GRID2: variants seen among roughly 807,000 people sequenced by gnomAD.
The protein encoded by GRID2 is glutamate receptor ionotropic, delta-2.
In GRID2, 33 loss-of-function variants were observed where a neutral mutation model predicts 114.8. The ratio of observed to expected loss-of-function variants is 0.29; its 90% CI spans 0.22 to 0.38. GRID2 has a LOEUF of 0.38. Among genes scored for constraint, GRID2 ranks in the 10% least tolerant of loss-of-function variants. GRID2 has a pLI of 1.00. For synonymous variants in GRID2, 505 were observed against 449.9 expected, an observed-to-expected ratio of 1.12 and a Z score of -1.55; for missense variants, 1,184 against 1,257.7, an observed-to-expected ratio of 0.94 and a Z score of 0.89.
chr4:93,270,521 A>G (rs925521319), intron 8 of GRID2, among the ~76,000 whole-genome samples: 8 of 152,294 alleles, frequency 5.3e-5, no homozygotes, highest in African/African-American at 1.9e-4. Context: ...TTACTGTTAC[A>G]GCACATCATC....
At chr4:93,371,510 G>A (rs566000447) in intron 8 of GRID2, among the ~76,000 whole-genome samples, 23 of 151,882 alleles carry the variant, frequency 1.5e-4, no homozygotes, top group African/African-American at 5.3e-4. Flanking sequence ...AATGGATGAA[G>A]GGAAGGCTCT....
intron 1 of GRID2, among the ~76,000 whole-genome samples, chr4:92,505,806 G>A (rs1390121599): frequency 1.3e-5 from 2 of 151,946 alleles, no homozygotes; most frequent in Non-Finnish European, 2.9e-5. Context: ...ATCCTCAGCA[G>A]AGCTTTATAT....
intron 7 of GRID2, among the ~76,000 whole-genome samples, chr4:93,235,985 T>C (rs1746743933): frequency 6.6e-6 from 1 of 152,064 alleles, no homozygotes; most frequent in Admixed American, 6.6e-5. Flanking sequence ...ATAAATAAGC[T>C]ACTAAAACAT....
chr4:93,160,847 T>A (rs1461660486), intron 4 of GRID2, among the ~76,000 whole-genome samples: 1 of 151,888 alleles, frequency 6.6e-6, no homozygotes, highest in Non-Finnish European at 1.5e-5. Flanking sequence ...GGCACCAAGC[T>A]GATCTACTGA....
intron 14 of GRID2, among the ~76,000 whole-genome samples, chr4:93,706,749 T>C (rs1728035306): frequency 6.6e-6 from 1 of 152,214 alleles, no homozygotes; most frequent in South Asian, 2.1e-4. Context: ...TCCAGTACTC[T>C]GTTGAGTAAC....
intron 2 of GRID2, among the ~76,000 whole-genome samples, chr4:92,688,780 A>G (rs759592227): frequency 4.6e-5 from 7 of 152,140 alleles, no homozygotes; most frequent in Non-Finnish European, 7.4e-5. Context: ...ACCTCTTCCC[A>G]TGAACTGTTA....
At chr4:92,446,095 G>A (rs559646007) in intron 1 of GRID2, among the ~76,000 whole-genome samples, 112 of 152,130 alleles carry the variant, frequency 7.4e-4, no homozygotes, top group African/African-American at 2.5e-3. Flanking sequence ...ACAGGGTTAC[G>A]TCACCATGCC....
At chr4:92,633,745 A>C (rs1398817457) in intron 2 of GRID2, among the ~76,000 whole-genome samples, 1 of 152,150 alleles carries the variant, frequency 6.6e-6, no homozygotes, top group Non-Finnish European at 1.5e-5. Context: ...TTAAGGGCAT[A>C]ATGGCCATAT....
chr4:92,769,497 G>A (rs998117944), intron 2 of GRID2, among the ~76,000 whole-genome samples: 1 of 152,152 alleles, frequency 6.6e-6, no homozygotes, highest in Non-Finnish European at 1.5e-5. Flanking sequence ...CTGTATGGGG[G>A]CTCCAACCTC....
intron 13 of GRID2, among the ~76,000 whole-genome samples, chr4:93,565,070 A>T (rs1735277405): frequency 6.6e-6 from 1 of 152,110 alleles, no homozygotes; most frequent in Non-Finnish European, 1.5e-5. Flanking sequence ...TTGAACTGTC[A>T]AATTAGCTTA....
chr4:93,542,248 G>T (rs1732722343), intron 13 of GRID2, among the ~76,000 whole-genome samples: 1 of 152,134 alleles, frequency 6.6e-6, no homozygotes, highest in Non-Finnish European at 1.5e-5. Context: ...ATAATGCGTA[G>T]TGGCACTGAA....
chr4:93,329,256 G>C lies in GRID2; in HGVS notation c.1246-66351G>C, dbSNP rs529834673. ...CATTACACATATCAAGAAAACTGGA[G>C]GCATTGACATTATGACTATTAGAAG... is the stretch of plus-strand genomic sequence containing the variant. On this transcript the variant is annotated intron_variant, in intron 8 of 15. Coordinates refer to ENST00000282020, the MANE Select transcript of GRID2 (RefSeq NM_001510.4). Among the ~76,000 whole-genome samples, 7 of 152,086 alleles carry C rather than the reference G, an allele frequency of 4.6e-5. No individual in the cohort carries two copies. In the South Asian group the frequency reaches 1.5e-3, roughly 32 times the overall value.
rs1483366398 is a variant in GRID2 at position 92,566,831 on chromosome 4, G to A, written c.89-23300G>A. Among the ~76,000 whole-genome samples, 3 of 152,072 alleles carry A rather than the reference G, an allele frequency of 2.0e-5. No homozygotes were observed. In the East Asian group the frequency reaches 5.8e-4, roughly 29 times the overall value. ...GTTTCACTCAAAGTATGACTAGTAT[G>A]TGAAATGCTGGTACTCAGTTGTGGA... On this transcript the variant is annotated intron_variant, in intron 1 of 15. Transcript: ENST00000282020.
At chr4:93,766,481 G>A (rs1311083556) in intron 14 of GRID2, among the ~76,000 whole-genome samples, 1 of 152,166 alleles carries the variant, frequency 6.6e-6, no homozygotes, top group Non-Finnish European at 1.5e-5. Flanking sequence ...TCCTGCACTT[G>A]ACACGTGGAG....
intron 14 of GRID2, among the ~76,000 whole-genome samples, chr4:93,766,942 G>A (rs988605120): frequency 2.6e-5 from 4 of 152,196 alleles, no homozygotes; most frequent in South Asian, 4.2e-4. Context: ...TACACCTATC[G>A]ACGAGCAATA....
chr4:92,790,094 G>A (rs1739506570), intron 2 of GRID2, among the ~76,000 whole-genome samples: 1 of 151,734 alleles, frequency 6.6e-6, no homozygotes, highest in African/African-American at 2.4e-5. Context: ...CTTGCTTAAT[G>A]TATGTATATA....
At chr4:93,135,220 G>A (rs1735139252) in intron 4 of GRID2, among the ~76,000 whole-genome samples, 1 of 152,110 alleles carries the variant, frequency 6.6e-6, no homozygotes, top group Non-Finnish European at 1.5e-5. Flanking sequence ...TAATATTCCT[G>A]AACAATAGGA....
chr4:93,480,053 T>C (rs1725696992), intron 11 of GRID2, among the ~76,000 whole-genome samples: 2 of 152,026 alleles, frequency 1.3e-5, no homozygotes, highest in African/African-American at 4.8e-5. Flanking sequence ...CAAAAGAAAA[T>C]AAGTCAAAAT....
At chr4:93,583,403 CG>C (rs1737182758) in intron 13 of GRID2, among the ~76,000 whole-genome samples, 2 of 151,894 alleles carry the variant, frequency 1.3e-5, no homozygotes, top group South Asian at 2.1e-4. Flanking sequence ...GTGCTGTGGA[CG>C]TTTTTTTCTG....
Sources: allele counts gnomAD v4.1 joint callset (sites outside exome capture counted in the v4.1 genomes callset), GRCh38; gene constraint gnomAD v4.1.1; transcripts MANE v1.5; gene names NCBI Gene and HGNC (gene_info 2026-07-23, HGNC 2026-07-21).